The following RDX variants were observed in gnomAD, a reference collection of about 807,000 sequenced individuals.
RDX encodes the protein radixin.
A neutral mutation model predicts 83.7 loss-of-function variants in RDX; 32 were observed. The observed-to-expected ratio is 0.38, with a 90% confidence interval of 0.29 to 0.51. The LOEUF (loss-of-function observed/expected upper bound fraction) is 0.51. RDX is among the 20% of genes least tolerant of loss of function. The pLI is 0.87. For synonymous variants in RDX, 229 were observed against 222.7 expected, an observed-to-expected ratio of 1.03 and a Z score of -0.25; for missense variants, 600 against 689.9, an observed-to-expected ratio of 0.87 and a Z score of 1.46.
chr11:110,256,004 A>G (rs886643459), intron 7 of RDX, among the ~76,000 whole-genome samples: 1 of 152,196 alleles, frequency 6.6e-6, no homozygotes. Flanking sequence ...AACTCTTGAG[A>G]CTATACACAG....
At chr11:110,262,502 C>T (rs1001422790) in intron 5 of RDX, among the ~76,000 whole-genome samples, 1 of 151,794 alleles carries the variant, frequency 6.6e-6, no homozygotes, top group African/African-American at 2.4e-5. Context: ...GCAGGAGAAT[C>T]GCTTGAATCC....
chr11:110,182,505 GTGGGAGGATGGTTTAAGCCTGAGAGA>G (rs376439302), intron 15 of RDX, among the ~76,000 whole-genome samples: 7,128 of 152,194 alleles, frequency 0.047, 561 homozygotes, highest in African/African-American at 0.16. Context: ...GGAGGCTGAG[GTGGGAGGATGGTTTAAGCCTGAGAGA>G]TGGAGGTTGC....
intron 10 of RDX, 80 bp from the exon 11 acceptor site, chr11:110,237,732 G>A (rs751242132): frequency 4.6e-5 from 68 of 1,464,548 alleles, no homozygotes; most frequent in Non-Finnish European, 4.4e-5. Flanking sequence ...ATAGTAGCAA[G>A]AAATCAAATC....
intron 5 of RDX, among the ~76,000 whole-genome samples, chr11:110,262,493 CAGG>C (rs1859845127): frequency 6.6e-6 from 1 of 151,654 alleles, no homozygotes; most frequent in African/African-American, 2.4e-5. Context: ...GAGACTGAGG[CAGG>C]AGAATCGCTT....
chr11:110,179,634 G>A lies in RDX; in HGVS notation c.*32-4400C>T, dbSNP rs187106445. ...CTAAAAATACAAAAATTAGCCAGGC[G>A]TGGTGGTGGGTGCCTGTAATCCCAG... On this transcript the variant is annotated intron_variant, in intron 15 of 15. Coordinates refer to the RDX transcript ENST00000528498. 1.1e-3 allele frequency among the ~76,000 whole-genome samples: 167 copies of A among 152,188 alleles called. 2 individuals are homozygous for A. Among genetic ancestry groups the A allele is most frequent in the Non-Finnish European group, 6.9e-4 (47 of 67,998 alleles).
intron 1 of RDX, among the ~76,000 whole-genome samples, chr11:110,290,350 T>C (rs984863036): frequency 6.6e-6 from 1 of 151,846 alleles, no homozygotes; most frequent in Non-Finnish European, 1.5e-5. Flanking sequence ...ACCCCGTGTC[T>C]ACAAAAAATA....
chr11:110,189,242 G>GAAAAAAAAAAAAAAAA (rs1565282257), intron 15 of RDX, among the ~76,000 whole-genome samples: 1 of 38,000 alleles, frequency 2.6e-5, no homozygotes. Flanking sequence ...TGAACAACAG[G>GAAAAAAAAAAAAAAAA]TAAAAAAAAA....
chr11:110,225,312 C>T (rs1047488658), downstream of RDX, among the ~76,000 whole-genome samples: 1 of 151,942 alleles, frequency 6.6e-6, no homozygotes, highest in Non-Finnish European at 1.5e-5. Context: ...AGGCAATTCA[C>T]AATGGGAAAA....
At chr11:110,186,103 G>A (rs1479620334) in intron 15 of RDX, among the ~76,000 whole-genome samples, 1 of 152,224 alleles carries the variant, frequency 6.6e-6, no homozygotes, top group African/African-American at 2.4e-5. Flanking sequence ...AATAGAACTT[G>A]ACCAGGACTG....
chr11:110,198,444 G>A (rs1863278204), intron 15 of RDX, among the ~76,000 whole-genome samples: 2 of 152,102 alleles, frequency 1.3e-5, no homozygotes, highest in South Asian at 2.1e-4. Flanking sequence ...TCCCTGGGCC[G>A]AGGACCAGTA....
At chr11:110,222,745 G>A (rs555016729) in intron 14 of RDX, among the ~76,000 whole-genome samples, 17 of 152,208 alleles carry the variant, frequency 1.1e-4, no homozygotes, top group East Asian at 7.7e-4. Context: ...GCAGTGAGCC[G>A]AGATCGCTCC....
At chr11:110,267,783 T>C (rs547920735) in intron 3 of RDX, among the ~76,000 whole-genome samples, 30 of 142,278 alleles carry the variant, frequency 2.1e-4, no homozygotes, top group African/African-American at 7.6e-4. Context: ...TAGGGAGACC[T>C]TGTCTCTTAA....
intron 15 of RDX, among the ~76,000 whole-genome samples, chr11:110,186,128 C>T (rs1445584783): frequency 2.6e-5 from 4 of 152,248 alleles, no homozygotes; most frequent in Non-Finnish European, 2.9e-5. Context: ...CTGATAGTTA[C>T]AGAAGCACTC....
At chr11:110,286,003 AT>A (rs1487311129) in intron 1 of RDX, among the ~76,000 whole-genome samples, 1 of 152,090 alleles carries the variant, frequency 6.6e-6, no homozygotes, top group Non-Finnish European at 1.5e-5. Flanking sequence ...AAATATTTGT[AT>A]ATTTCCACTC....
At chr11:110,200,886 GCA>G (rs1290346062) in intron 14 of RDX, among the ~76,000 whole-genome samples, 1 of 152,084 alleles carries the variant, frequency 6.6e-6, no homozygotes, top group Non-Finnish European at 1.5e-5. Context: ...AGTCTGGCTG[GCA>G]CTTTATTGTA....
At chr11:110,181,996 G>T (rs544726300) in intron 15 of RDX, among the ~76,000 whole-genome samples, 1 of 152,142 alleles carries the variant, frequency 6.6e-6, no homozygotes, top group African/African-American at 2.4e-5. Context: ...ACCCCTCCCT[G>T]TTCCTCCCTC....
At chr11:110,178,139 G>C (rs1164972688) in intron 15 of RDX, among the ~76,000 whole-genome samples, 2 of 152,144 alleles carry the variant, frequency 1.3e-5, no homozygotes, top group African/African-American at 4.8e-5. Context: ...TCCTCTGCCA[G>C]GGATAACCTC....
chr11:110,240,408 G>T (rs1865038037), intron 10 of RDX, among the ~76,000 whole-genome samples: 2 of 152,266 alleles, frequency 1.3e-5, no homozygotes, highest in South Asian at 4.1e-4. Context: ...AGGAGAAAAA[G>T]AATAGAAATG....
At chr11:110,213,281 A>G (rs1478895729) in intron 14 of RDX, among the ~76,000 whole-genome samples, 1 of 132,946 alleles carries the variant, frequency 7.5e-6, no homozygotes, top group Non-Finnish European at 1.6e-5. Context: ...CCAACTTACA[A>G]GGGATGTGAA....
Sources: gnomAD v4.1 joint callset for allele counts (sites outside exome capture counted in the v4.1 genomes callset) on GRCh38, gnomAD v4.1.1 for gene constraint, MANE v1.5 for transcripts, NCBI Gene and HGNC (gene_info 2026-07-23, HGNC 2026-07-21) for gene names.